Variants in KCNQ1 observed in about 807,000 individuals in gnomAD.
The protein encoded by KCNQ1 is potassium voltage-gated channel subfamily Q member 1.
In KCNQ1, 49 loss-of-function variants were observed where a neutral mutation model predicts 72.4. The ratio of observed to expected loss-of-function variants is 0.68; its 90% CI spans 0.54 to 0.86. The LOEUF (loss-of-function observed/expected upper bound fraction) is 0.86, where lower values mean the gene tolerates loss of function less well. KCNQ1 is among the 40% of genes least tolerant of loss of function. KCNQ1 has a pLI of 0.00. For synonymous variants in KCNQ1, 450 were observed against 412.6 expected, an observed-to-expected ratio of 1.09 and a Z score of -1.10; for missense variants, 790 against 945.1, an observed-to-expected ratio of 0.84 and a Z score of 2.15.
rs3079081 is a variant in KCNQ1, at chr11:2,814,623, C to CAAGGAAGG, written c.1795-33115_1795-33108dup. On this transcript the variant is annotated intron_variant, in intron 15 of 15. Transcript: ENST00000155840. ...GGATGGGTAGATGGATGGAAGGAGA[C>CAAGGAAGG]AAGGAAGGAAGGAAGGAAGGAAGGA... is the stretch of plus-strand genomic sequence containing the variant. Among the ~76,000 whole-genome samples, 47 of 142,546 alleles carry CAAGGAAGG rather than the reference C, an allele frequency of 3.3e-4. No homozygotes were observed. In the South Asian group the frequency reaches 4.2e-3, roughly 13 times the overall value. The allele number at this position is 142,546 out of a possible 152,430, so 93.5% of individuals were successfully genotyped here.
chr11:2,692,206 ACACCCGCTT>A (rs1480980188), intron 11 of KCNQ1: 35 of 398,628 alleles, frequency 8.8e-5, no homozygotes, highest in Admixed American at 5.3e-4. Context: ...CATTTCCGAT[ACACCCGCTT>A]CCTCACCACC....
rs1341046236 is a variant in KCNQ1, at chr11:2,471,134, C to G, written c.386+25650C>G. Among the ~76,000 whole-genome samples the G allele has an allele frequency of 6.6e-6, 1 of 151,918 alleles. No homozygotes were observed. The highest frequency in any genetic ancestry group is 1.5e-5 in the Non-Finnish European group (1 of 67,986). ...ACCACCCTGTATCAACTCATCTCAT[C>G]GATATCTCCCAACGGCTGGGGAACA... is the stretch of plus-strand genomic sequence containing the variant. On this transcript the variant is annotated intron_variant, in intron 1 of 15. Transcript: ENST00000155840. The surrounding 1 kb of genome is among the most constrained non-coding windows in gnomAD (Gnocchi z 4.8).
At chr11:2,546,412 T>C (rs1847903101) in intron 2 of KCNQ1, among the ~76,000 whole-genome samples, 1 of 152,156 alleles carries the variant, frequency 6.6e-6, no homozygotes, top group Non-Finnish European at 1.5e-5. Flanking sequence ...TGTACTGCTG[T>C]TGTTGGGAGG....
At chr11:2,643,246 C>T in intron 10 of KCNQ1, 1 of 398,222 alleles carries the variant, frequency 2.5e-6, no homozygotes. Flanking sequence ...CTGTCTAATA[C>T]TGGAAATGGA....
intron 15 of KCNQ1, among the ~76,000 whole-genome samples, chr11:2,829,767 T>C (rs1342561071): frequency 6.6e-6 from 1 of 151,794 alleles, no homozygotes; most frequent in Admixed American, 6.6e-5. Flanking sequence ...AGATAGTCGG[T>C]AGGGTTGAAG....
chr11:2,656,997 T>C, intron 10 of KCNQ1: 1 of 398,658 alleles, frequency 2.5e-6, no homozygotes, highest in Non-Finnish European at 4.4e-6. Flanking sequence ...CTTCCCAGGA[T>C]GTGCAGGCCA....
intron 15 of KCNQ1, among the ~76,000 whole-genome samples, chr11:2,839,151 ATCCCAGCCTGGGGCTTCCCCACCCCC>A (rs894475774): frequency 6.6e-6 from 1 of 152,012 alleles, no homozygotes; most frequent in African/African-American, 2.4e-5. Context: ...TCGAGACCCC[ATCCCAGCCTGGGGCTTCCCCACCCCC>A]TCCCACCTGC....
In KCNQ1 at chr11:2,710,805, C is replaced by A. The variant is rs529564395; in HGVS notation, c.1514+48724C>A. 4.4e-4 allele frequency among the ~76,000 whole-genome samples: 67 copies of A among 152,300 alleles called. No individual in the cohort carries two copies. The highest frequency in any genetic ancestry group is 9.6e-4 in the Non-Finnish European group (65 of 68,016). On this transcript the variant is annotated intron_variant, in intron 11 of 15. Coordinates refer to ENST00000155840, the MANE Select transcript of KCNQ1 (RefSeq NM_000218.3). This position sits in a 1 kb window ranked among gnomAD's most constrained non-coding sequence, Gnocchi z 4.1. ...TGACAGTAAATATGAAGGTTTATTTCTGGATTCTCAATTTTATTCTATTGA... is the reference window on the plus strand; with the variant it reads ...TGACAGTAAATATGAAGGTTTATTTATGGATTCTCAATTTTATTCTATTGA...
intron 15 of KCNQ1, among the ~76,000 whole-genome samples, chr11:2,811,179 C>G (rs1847478609): frequency 6.6e-6 from 1 of 152,216 alleles, no homozygotes; most frequent in African/African-American, 2.4e-5. Flanking sequence ...TACAGCTACC[C>G]CAATCCAAAT....
intron 1 of KCNQ1, chr11:2,461,505 C>CACAT (rs1213209569): frequency 7.6e-7 from 1 of 1,315,184 alleles, no homozygotes. Context: ...ACTGTCTTTG[C>CACAT]GCCTGCACAT....
rs942360998 is a variant in KCNQ1 at position 2,745,926 on chromosome 11, G to C, written c.1515-22918G>C. On this transcript the variant is annotated intron_variant, in intron 11 of 15. Coordinates refer to ENST00000155840, the MANE Select transcript of KCNQ1 (RefSeq NM_000218.3). This position sits in a 1 kb window ranked among gnomAD's most constrained non-coding sequence, Gnocchi z 6.2. ...GTTTTTTGAGATGGAGTCTCATTCT[G>C]TCACCCAGGCTGGAGTGCAGTGGTG... 1.4e-4 allele frequency among the ~76,000 whole-genome samples: 21 copies of C among 152,338 alleles called. No homozygotes were observed. The highest frequency in any genetic ancestry group is 5.1e-4 in the African/African-American group (21 of 41,572).
At chr11:2,517,597 G>A (rs1304241435) in intron 1 of KCNQ1, among the ~76,000 whole-genome samples, 2 of 152,208 alleles carry the variant, frequency 1.3e-5, no homozygotes, top group Non-Finnish European at 2.9e-5. Flanking sequence ...CAACCAGGTG[G>A]GATGGCAGGG....
chr11:2,622,568 T>A (rs1054947123), intron 10 of KCNQ1: 2 of 398,404 alleles, frequency 5.0e-6, no homozygotes, highest in African/African-American at 4.1e-5. Flanking sequence ...AAAAAGAAGT[T>A]CTGACATTTT....
At chr11:2,697,411 A>G (rs1850695977) in intron 11 of KCNQ1, 1 of 398,606 alleles carries the variant, frequency 2.5e-6, no homozygotes, top group Non-Finnish European at 4.4e-6. Flanking sequence ...TATGGCCAGG[A>G]TGACATCCTT....
At chr11:2,722,045 G>A (rs891789048) in intron 11 of KCNQ1, among the ~76,000 whole-genome samples, 5 of 152,126 alleles carry the variant, frequency 3.3e-5, no homozygotes, top group African/African-American at 4.8e-5. Flanking sequence ...TTTGGTGGCC[G>A]CCTCACCTCC....
intron 11 of KCNQ1, chr11:2,681,908 G>T: frequency 2.5e-6 from 1 of 398,562 alleles, no homozygotes; most frequent in South Asian, 1.3e-4. Flanking sequence ...CGGCCATAAT[G>T]AACACACGTT....
intron 15 of KCNQ1, among the ~76,000 whole-genome samples, chr11:2,799,476 G>A (rs1336195677): frequency 1.3e-5 from 2 of 151,970 alleles, no homozygotes; most frequent in Non-Finnish European, 2.9e-5. Flanking sequence ...GTTTGTATGT[G>A]AGGGCAGTGT....
chr11:2,718,736 T>C lies in KCNQ1; in HGVS notation c.1515-50108T>C, dbSNP rs79035322. Among the ~76,000 whole-genome samples, 1,404 of 152,344 alleles carry C rather than the reference T, an allele frequency of 9.2e-3. 12 individuals carry two copies. Among genetic ancestry groups the C allele is most frequent in the Admixed American group, 0.014 (219 of 15,310 alleles). ...TGCAGTTAGGACCACACTAAAAGGT[T>C]AATGTCCACGCTGGTGTTGACCAAG... On this transcript the variant is annotated intron_variant, in intron 11 of 15. Transcript: ENST00000155840.
rs186382919 is a variant in KCNQ1, at chr11:2,769,346, C to G, written c.1590+427C>G. Among the ~76,000 whole-genome samples, 405 of 152,312 alleles carry G rather than the reference C, an allele frequency of 2.7e-3. 2 individuals carry two copies. The highest frequency in any genetic ancestry group is 9.4e-3 in the African/African-American group (392 of 41,570). Reference sequence around the variant, plus strand: ...CCCCAGACCCCCCAGCCCTGTCCTCCACTGGCTCAGTGCTCTCATTCCCTG... The same window carrying G: ...CCCCAGACCCCCCAGCCCTGTCCTCGACTGGCTCAGTGCTCTCATTCCCTG... On this transcript the variant is annotated intron_variant, in intron 12 of 15. Transcript: ENST00000155840. This position sits in a 1 kb window ranked among gnomAD's most constrained non-coding sequence, Gnocchi z 4.6.
Sources: gnomAD v4.1 joint callset for allele counts (sites outside exome capture counted in the v4.1 genomes callset) on GRCh38, gnomAD v4.1.1 for gene constraint, Gnocchi (gnomAD v3.1) non-coding constraint, MANE v1.5 for transcripts, NCBI Gene and HGNC (gene_info 2026-07-23, HGNC 2026-07-21) for gene names.